The following APMAP variants were observed in gnomAD, a reference collection of about 807,000 sequenced individuals.
APMAP encodes adipocyte plasma membrane associated protein, also known as adipocyte plasma membrane-associated protein.
APMAP carries 33 observed loss-of-function variants against 43.6 expected under a neutral mutation model. The observed-to-expected ratio is 0.76, with a 90% CI of 0.57 to 1.01. APMAP has a LOEUF of 1.01. APMAP is among the 50% of genes least tolerant of loss of function. APMAP has a pLI of 0.00. For missense variants in APMAP, 498 were observed against 540.7 expected (o/e 0.92, Z 0.78); for synonymous variants, 224 against 216.7 (o/e 1.03, Z -0.30).
At position 24,992,633 on chromosome 20, in the gene APMAP, G is replaced by C. The variant is rs1212533943; in HGVS notation, c.56C>G (p.Thr19Arg). 3 of 1,571,650 alleles carry C rather than the reference G, an allele frequency of 1.9e-6. No homozygotes were observed. The highest frequency in any genetic ancestry group is 2.6e-6 in the Non-Finnish European group (3 of 1,159,834). The change falls in exon 1 of 9, where the codon ACA becomes AGA. Residue 19 changes from threonine to arginine, a missense_variant. Physicochemically the swap from Thr to Arg is moderately conservative, Grantham distance 71. Coordinates refer to ENST00000217456, the MANE Select transcript of APMAP (RefSeq NM_020531.3). ...CTCCGGGGCCTGGCCATCATCGTCTGTGACGACCTGCGGCCGCAGGGGCCG... is the reference window on the plus strand; with the variant it reads ...CTCCGGGGCCTGGCCATCATCGTCTCTGACGACCTGCGGCCGCAGGGGCCG... ...QRRPLRPQVVTDDDGQAPEAK... is the reference protein window; with the variant it reads ...QRRPLRPQVVRDDDGQAPEAK...
intron 8 of APMAP, among the ~76,000 whole-genome samples, chr20:24,968,405 AGGCGGGAT>A (rs944476795): frequency 2.6e-5 from 4 of 152,216 alleles, no homozygotes; most frequent in Non-Finnish European, 5.9e-5. Context: ...AGCAGGGAGC[AGGCGGGAT>A]GGCAGCTGTG....
chr20:24,973,853 C>T, intron 3 of APMAP, 116 bp from the exon 4 acceptor site: 1 of 818,596 alleles, frequency 1.2e-6, no homozygotes. Flanking sequence ...AGAGGAAATG[C>T]CAATTCTCAA....
chr20:24,963,709 G>T lies in APMAP; in HGVS notation c.*104C>A. ...CTCTCAGGGACTAACAGGTGCATGT[G>T]GACACTTGAACCACGACTGTGTCCA... On this transcript the variant is annotated 3_prime_UTR_variant, in exon 9 of 9. Transcript: ENST00000217456. 1.7e-6 allele frequency: 2 copies of T among 1,199,926 alleles called. No individual in the cohort carries two copies. The highest frequency in any genetic ancestry group is 2.4e-6 in the Non-Finnish European group (2 of 833,702). 74.3% of individuals were successfully genotyped at this position (1,199,926 alleles called of 1,614,324 possible). A position where few individuals can be genotyped will look rare whatever the true frequency, so the allele number is the denominator to read the frequency against.
intron 1 of APMAP, among the ~76,000 whole-genome samples, chr20:24,984,239 T>C (rs936343081): frequency 1.3e-5 from 2 of 152,198 alleles, no homozygotes; most frequent in African/African-American, 2.4e-5. Flanking sequence ...CAGCTTCCCC[T>C]GTGTGGGATA....
chr20:24,968,691 C>T (rs1333848495), intron 8 of APMAP, among the ~76,000 whole-genome samples: 1 of 152,086 alleles, frequency 6.6e-6, no homozygotes, highest in Non-Finnish European at 1.5e-5. Flanking sequence ...AATAAAAACA[C>T]CCAGAAAAAG....
chr20:24,976,299 T>C (rs1568814623), intron 3 of APMAP, among the ~76,000 whole-genome samples: 1 of 152,116 alleles, frequency 6.6e-6, no homozygotes. Flanking sequence ...ACATGTCTGA[T>C]AAAGAACTAT....
rs559462191 is a variant in APMAP, at chr20:24,974,058, G to A, written c.329-321C>T. The A allele has an allele frequency of 6.6e-5, 14 of 211,588 alleles. No individual in the cohort carries two copies. The East Asian group carries it at 1.2e-3, about 18-fold the overall frequency. The allele number at this position is 211,588 out of a possible 1,614,324, so 13.1% of individuals were successfully genotyped here. A position where few individuals can be genotyped will look rare whatever the true frequency, so the allele number is the denominator to read the frequency against. ...CACTCAAGCTGACACTCAGCACTTA[G>A]GGGCATGAGTTCATATTCACCTCAC... On this transcript the variant is annotated intron_variant, in intron 3 of 8. Coordinates refer to ENST00000217456, the MANE Select transcript of APMAP (RefSeq NM_020531.3).
At chr20:24,964,076 C>A in intron 8 of APMAP, 54 bp from the exon 9 acceptor site, 2 of 1,570,410 alleles carry the variant, frequency 1.3e-6, no homozygotes, top group Non-Finnish European at 1.8e-6. Flanking sequence ...GAACACTGTG[C>A]GCAGATCAAC....
At chr20:24,974,527 A>G (rs538545528) in intron 3 of APMAP, among the ~76,000 whole-genome samples, 4 of 152,386 alleles carry the variant, frequency 2.6e-5, no homozygotes, top group Middle Eastern at 3.4e-3. Context: ...AATGGTCTAA[A>G]TATACCAACT....
intron 7 of APMAP, 81 bp downstream of exon 7, chr20:24,969,445 G>C: frequency 6.6e-7 from 1 of 1,516,144 alleles, no homozygotes; most frequent in Non-Finnish European, 8.9e-7. Context: ...GATTTCTGTC[G>C]ATCCCATTTC....
At chr20:24,980,909 G>C (rs770624675) in intron 2 of APMAP, among the ~76,000 whole-genome samples, 2 of 152,256 alleles carry the variant, frequency 1.3e-5, no homozygotes, top group Non-Finnish European at 2.9e-5. Flanking sequence ...CCATGGTCAA[G>C]AGGATCAGGC....
chr20:24,972,432 A>T (rs1436249118), intron 4 of APMAP, among the ~76,000 whole-genome samples: 3 of 143,978 alleles, frequency 2.1e-5, no homozygotes, highest in African/African-American at 7.9e-5. Context: ...TGCTCACTGC[A>T]GGCGCTTATT....
chr20:24,991,511 T>A (rs1213984492), intron 1 of APMAP, among the ~76,000 whole-genome samples: 2 of 152,160 alleles, frequency 1.3e-5, no homozygotes, highest in Non-Finnish European at 2.9e-5. Context: ...CTAAATTGCC[T>A]CTCTAGAGCC....
intron 5 of APMAP, 61 bp downstream of exon 5, chr20:24,971,399 T>C: frequency 1.4e-6 from 2 of 1,411,916 alleles, no homozygotes; most frequent in Non-Finnish European, 2.0e-6. Context: ...AGTCTACACA[T>C]ACATATATTG....
At chr20:24,970,501 A>T in intron 5 of APMAP, 130 bp from the exon 6 acceptor site, 1 of 844,836 alleles carries the variant, frequency 1.2e-6, no homozygotes, top group East Asian at 2.7e-5. Context: ...CAGAAGATTT[A>T]TTCCTTCTTA....
intron 2 of APMAP, among the ~76,000 whole-genome samples, chr20:24,980,728 G>T (rs535967908): frequency 1.6e-4 from 24 of 151,842 alleles, no homozygotes; most frequent in Admixed American, 1.3e-3. Flanking sequence ...TGGTCAAGAG[G>T]CCATGCCACA....
chr20:24,971,500 G>A lies in APMAP; in HGVS notation c.498C>T (p.Ala166=), dbSNP rs749514406. 15 of 1,614,082 alleles carry A rather than the reference G, an allele frequency of 9.3e-6. No homozygotes were observed. The highest frequency in any genetic ancestry group is 2.2e-5 in the East Asian group (1 of 44,878). Residue 166 remains alanine (A), a synonymous_variant, in exon 5 of 9, where the codon GCC becomes GCT. Coordinates refer to ENST00000217456, the MANE Select transcript of APMAP (RefSeq NM_020531.3). The part of the protein sequence containing the change: ...RAGPNGTLFV[A]DAYKGLFEVN... ...CTTCAAATAGTCCCTTGTATGCATC[G>A]GCCACAAAGAGAGTCCCATTGGGCC...
rs2087920056 is a variant in APMAP at position 24,963,931 on chromosome 20, T to TGC, written c.1131_1132dup (p.His378ArgfsTer45). 6.2e-7 allele frequency: 1 copy of TGC among 1,614,240 alleles called. No homozygotes were observed. The highest frequency in any genetic ancestry group is 8.5e-7 in the Non-Finnish European group (1 of 1,180,046). ...GGTGGCCACCAGCCCATCGGGATCA[T>TGC]GCAGGCTTCTCCGGAAGGCACCGCT... On this transcript the variant is annotated frameshift_variant, in exon 9 of 9. Coordinates refer to ENST00000217456, the MANE Select transcript of APMAP (RefSeq NM_020531.3). LOFTEE classifies it high-confidence loss of function.
chr20:24,972,702 G>A lies in APMAP; in HGVS notation c.421+943C>T, dbSNP rs188480140. On this transcript the variant is annotated intron_variant, in intron 4 of 8. Coordinates refer to ENST00000217456, the MANE Select transcript of APMAP (RefSeq NM_020531.3). ...GGTGCTCATTGCAAGTACCACTGCA[G>A]GTGTTCACTATAGGTGCTCACTGTA... Among the ~76,000 whole-genome samples the A allele has an allele frequency of 3.3e-5, 5 of 150,524 alleles. No homozygotes were observed. In the East Asian group the frequency reaches 1.0e-3, roughly 30 times the overall value.
Sources: gnomAD v4.1 joint callset for allele counts (sites outside exome capture counted in the v4.1 genomes callset) on GRCh38, gnomAD v4.1.1 for gene constraint, MANE v1.5 for transcripts, NCBI Gene and HGNC (gene_info 2026-07-23, HGNC 2026-07-21) for gene names.